TENM4: variants seen among roughly 807,000 people sequenced by gnomAD.
TENM4 encodes the protein teneurin-4.
A neutral mutation model predicts 243.3 loss-of-function variants in TENM4; 82 were observed. The observed-to-expected ratio is 0.34, with a 90% CI of 0.28 to 0.40. The LOEUF is 0.40. Among genes scored for constraint, TENM4 ranks in the 10% least tolerant of loss-of-function variants. The pLI, the probability that TENM4 is intolerant of heterozygous loss-of-function variation, is 1.00. For synonymous variants in TENM4, 1,412 were observed against 1,456.3 expected (o/e 0.97, Z 0.69); for missense variants, 3,138 against 3,673.3 (o/e 0.85, Z 3.77).
chr11:78,677,348 C>T (rs1274868820), intron 29 of TENM4, among the ~76,000 whole-genome samples: 3 of 150,334 alleles, frequency 2.0e-5, no homozygotes, highest in African/African-American at 7.3e-5. Context: ...TCATACTCCT[C>T]GGCCCAAGCA....
chr11:78,673,722 A>C (rs1396279604), intron 30 of TENM4, among the ~76,000 whole-genome samples: 2 of 152,240 alleles, frequency 1.3e-5, no homozygotes, highest in Non-Finnish European at 2.9e-5. Flanking sequence ...GGTTGGAATT[A>C]TTTCCATTAA....
intron 9 of TENM4, among the ~76,000 whole-genome samples, chr11:78,864,608 T>C (rs893840366): frequency 2.0e-5 from 3 of 152,198 alleles, no homozygotes; most frequent in African/African-American, 7.2e-5. Flanking sequence ...ATGTTTGTGA[T>C]CTAGCACAAA....
chr11:78,762,174 T>C (rs964505988), intron 18 of TENM4, among the ~76,000 whole-genome samples: 65 of 152,296 alleles, frequency 4.3e-4, no homozygotes, highest in African/African-American at 1.4e-3. Context: ...ACTTACTTCA[T>C]AGAGTTGCTG....
chr11:79,301,994 T>A (rs1856557661), intron 1 of TENM4, among the ~76,000 whole-genome samples: 1 of 152,200 alleles, frequency 6.6e-6, no homozygotes, highest in African/African-American at 2.4e-5. Flanking sequence ...TTTGTAGCAG[T>A]GCGAGAACGG....
chr11:79,131,285 C>T (rs1033571262), intron 4 of TENM4, among the ~76,000 whole-genome samples: 4 of 152,098 alleles, frequency 2.6e-5, no homozygotes, highest in East Asian at 1.9e-4. Flanking sequence ...GACAGAAACA[C>T]GAGGTAACCT....
At chr11:79,144,056 C>T (rs72935326) in intron 4 of TENM4, among the ~76,000 whole-genome samples, 8,397 of 151,966 alleles carry the variant, frequency 0.055, 338 homozygotes, top group Non-Finnish European at 0.078. Flanking sequence ...ATTCATCTGA[C>T]GACGCATTAA....
chr11:79,331,573 G>C (rs1258880103), intron 1 of TENM4, among the ~76,000 whole-genome samples: 1 of 152,180 alleles, frequency 6.6e-6, no homozygotes, highest in African/African-American at 2.4e-5. Flanking sequence ...ACCGGATACA[G>C]TGTCCCCAAC....
chr11:79,039,326 A>G (rs4100204), intron 6 of TENM4, among the ~76,000 whole-genome samples: 5 of 152,170 alleles, frequency 3.3e-5, no homozygotes, highest in South Asian at 2.1e-4. Context: ...AGTGAATGCC[A>G]CCAACAGAGG....
intron 1 of TENM4, among the ~76,000 whole-genome samples, chr11:79,374,760 G>GTTAATTTCTAAATTAGTTATATATA (rs1364900039): frequency 4.6e-4 from 70 of 152,176 alleles, no homozygotes; most frequent in African/African-American, 1.6e-3. Context: ...ATGATAATGG[G>GTTAATTTCTAAATTAGTTATATATA]TTAATTTCTA....
intron 1 of TENM4, among the ~76,000 whole-genome samples, chr11:79,413,213 G>T (rs1858739086): frequency 6.6e-6 from 1 of 152,182 alleles, no homozygotes; most frequent in South Asian, 2.1e-4. Flanking sequence ...TTCCAAATCT[G>T]CCCTCATTTC....
At chr11:79,189,922 G>GTA (rs1863446933) in intron 3 of TENM4, among the ~76,000 whole-genome samples, 1 of 152,144 alleles carries the variant, frequency 6.6e-6, no homozygotes. Flanking sequence ...CGCCACTGAC[G>GTA]GTTAGAAGAA....
intron 1 of TENM4, among the ~76,000 whole-genome samples, chr11:79,404,367 G>T (rs1365051708): frequency 6.6e-6 from 1 of 152,168 alleles, no homozygotes; most frequent in Non-Finnish European, 1.5e-5. Context: ...AAACATAAGG[G>T]TTAAATTTTA....
At chr11:78,974,233 G>A (rs773172949) in intron 6 of TENM4, among the ~76,000 whole-genome samples, 4 of 152,180 alleles carry the variant, frequency 2.6e-5, no homozygotes. Flanking sequence ...TATTACAACC[G>A]ATTTTGACCT....
intron 3 of TENM4, among the ~76,000 whole-genome samples, chr11:79,163,796 C>CATATAT (rs1223531465): frequency 1.1e-4 from 5 of 45,380 alleles, no homozygotes; most frequent in Non-Finnish European, 1.8e-4. Context: ...TATATACACA[C>CATATAT]ACATATATAT....
intron 6 of TENM4, among the ~76,000 whole-genome samples, chr11:79,043,640 A>G (rs1199379576): frequency 6.6e-6 from 1 of 152,258 alleles, no homozygotes; most frequent in African/African-American, 2.4e-5. Flanking sequence ...TGACAAATAC[A>G]GAAACCTTAT....
chr11:79,248,950 G>A (rs1250587287), intron 2 of TENM4, among the ~76,000 whole-genome samples: 1 of 152,182 alleles, frequency 6.6e-6, no homozygotes, highest in Non-Finnish European at 1.5e-5. Flanking sequence ...GGAAGAGGAA[G>A]AGAGGAAGAA....
intron 1 of TENM4, among the ~76,000 whole-genome samples, chr11:79,400,606 T>C: frequency 6.6e-6 from 1 of 152,180 alleles, no homozygotes. Context: ...AAATTCCAGT[T>C]TCCCCATCTA....
intron 14 of TENM4, among the ~76,000 whole-genome samples, chr11:78,808,242 A>G (rs1484969653): frequency 3.3e-5 from 5 of 152,236 alleles, no homozygotes; most frequent in African/African-American, 1.2e-4. Flanking sequence ...GCTTATTAAG[A>G]AAGTTATTTT....
chr11:78,750,441 G>C (rs1305693040), intron 19 of TENM4, among the ~76,000 whole-genome samples: 2 of 152,182 alleles, frequency 1.3e-5, no homozygotes, highest in East Asian at 1.9e-4. Context: ...CAGGCTGAAG[G>C]CCATCTCCTG....
Sources: allele counts gnomAD v4.1 joint callset (sites outside exome capture counted in the v4.1 genomes callset), GRCh38; gene constraint gnomAD v4.1.1; transcripts MANE v1.5; gene names NCBI Gene and HGNC (gene_info 2026-07-23, HGNC 2026-07-21).